Variants in DSCAM observed in about 807,000 individuals in gnomAD.
DSCAM encodes cell adhesion molecule DSCAM.
In DSCAM, 47 loss-of-function variants were observed where a neutral mutation model predicts 217.7. The ratio of observed to expected loss-of-function variants is 0.22; its 90% CI spans 0.17 to 0.28. The LOEUF is 0.28. DSCAM is among the 10% of genes least tolerant of loss of function. The probability of loss-of-function intolerance (pLI) is 1.00; values close to 1 mark genes in which losing one functional copy is unlikely to be tolerated. For synonymous variants in DSCAM, 1,056 were observed against 1,015.3 expected (o/e 1.04, Z -0.76); for missense variants, 2,080 against 2,618.3 (o/e 0.79, Z 4.49).
At chr21:40,595,922 A>G (rs2077018204) in intron 3 of DSCAM, among the ~76,000 whole-genome samples, 1 of 152,212 alleles carries the variant, frequency 6.6e-6, no homozygotes, top group African/African-American at 2.4e-5. Flanking sequence ...CCTGTTGGTA[A>G]TGGGATCCAC....
intron 11 of DSCAM, among the ~76,000 whole-genome samples, chr21:40,195,763 G>A (rs551282205): frequency 6.6e-6 from 1 of 152,286 alleles, no homozygotes; most frequent in Admixed American, 6.5e-5. Context: ...TCCCGGGTGG[G>A]AGGTCAAAAG....
chr21:40,606,433 G>A (rs1393684205), intron 3 of DSCAM, among the ~76,000 whole-genome samples: 2 of 152,154 alleles, frequency 1.3e-5, no homozygotes, highest in Non-Finnish European at 2.9e-5. Flanking sequence ...TTTAGTGTTG[G>A]CAACTATTCA....
chr21:40,074,375 CTCCCTG>C (rs1301493976), intron 27 of DSCAM, among the ~76,000 whole-genome samples: 1 of 152,210 alleles, frequency 6.6e-6, no homozygotes, highest in Non-Finnish European at 1.5e-5. Context: ...TTTGAAATAA[CTCCCTG>C]TCCTCACATT....
At chr21:40,342,309 A>C (rs1225745577) in intron 6 of DSCAM, among the ~76,000 whole-genome samples, 2 of 152,062 alleles carry the variant, frequency 1.3e-5, no homozygotes, top group Non-Finnish European at 2.9e-5. Context: ...TTGTGTGTGT[A>C]TAAAATATTT....
At chr21:40,374,354 G>A (rs1228981890) in intron 3 of DSCAM, among the ~76,000 whole-genome samples, 1 of 152,156 alleles carries the variant, frequency 6.6e-6, no homozygotes, top group East Asian at 1.9e-4. Context: ...AAACATAGCA[G>A]GGCCCCCTTT....
chr21:40,539,749 C>A (rs143174720), intron 3 of DSCAM, among the ~76,000 whole-genome samples: 2 of 152,018 alleles, frequency 1.3e-5, no homozygotes, highest in Non-Finnish European at 2.9e-5. Context: ...GAAAAAAAGA[C>A]AATTCCTGAG....
intron 1 of DSCAM, among the ~76,000 whole-genome samples, chr21:40,768,239 T>C (rs188072826): frequency 6.6e-6 from 1 of 151,346 alleles, no homozygotes; most frequent in Non-Finnish European, 1.5e-5. Flanking sequence ...CCTGCCTGAA[T>C]TGCACCCAGA....
chr21:40,035,243 C>G (rs200722586), intron 32 of DSCAM, among the ~76,000 whole-genome samples: 2 of 113,672 alleles, frequency 1.8e-5, no homozygotes, highest in African/African-American at 7.4e-5. Context: ...AGTCAAGACC[C>G]ATCAGTGTGC....
chr21:40,204,183 G>A (rs1404013723), intron 11 of DSCAM, among the ~76,000 whole-genome samples: 3 of 152,184 alleles, frequency 2.0e-5, no homozygotes, highest in African/African-American at 7.2e-5. Flanking sequence ...TAATTGTAGG[G>A]CCCATATTTG....
At chr21:40,145,031 G>T (rs957571816) in intron 16 of DSCAM, among the ~76,000 whole-genome samples, 1 of 152,156 alleles carries the variant, frequency 6.6e-6, no homozygotes, top group Non-Finnish European at 1.5e-5. Context: ...TGGGTGTTGG[G>T]CCCCAGAGCC....
rs544187116 is a variant in DSCAM at position 40,480,726 on chromosome 21, G to C, written c.509-111481C>G. 2.0e-5 allele frequency among the ~76,000 whole-genome samples: 3 copies of C among 152,304 alleles called. No homozygotes were observed. In the East Asian group the frequency reaches 5.8e-4, roughly 29 times the overall value. On this transcript the variant is annotated intron_variant, in intron 3 of 32. Coordinates refer to ENST00000400454, the MANE Select transcript of DSCAM (RefSeq NM_001389.5). ...ACAGCGATGTGCCACATGGTTTTGA[G>C]TGCAGAAAGTTTAAGTGACAGTAAA...
chr21:40,098,648 C>CAATT (rs1427068520), intron 20 of DSCAM, among the ~76,000 whole-genome samples: 2 of 152,212 alleles, frequency 1.3e-5, no homozygotes, highest in Non-Finnish European at 2.9e-5. Flanking sequence ...ACCAGTCATG[C>CAATT]AATTAAACAG....
At chr21:40,688,958 C>T (rs1164985193) in intron 3 of DSCAM, among the ~76,000 whole-genome samples, 2 of 152,188 alleles carry the variant, frequency 1.3e-5, no homozygotes, top group Non-Finnish European at 2.9e-5. Flanking sequence ...ATTCCTGCGT[C>T]TACCTTCAGG....
intron 20 of DSCAM, among the ~76,000 whole-genome samples, chr21:40,104,834 T>A (rs2089798314): frequency 1.3e-5 from 2 of 152,156 alleles, no homozygotes; most frequent in Non-Finnish European, 2.9e-5. Flanking sequence ...TTCTTCTCAA[T>A]TTTTCTGTGA....
chr21:40,632,897 T>C (rs2089711415), intron 3 of DSCAM, among the ~76,000 whole-genome samples: 1 of 152,188 alleles, frequency 6.6e-6, no homozygotes, highest in Admixed American at 6.5e-5. Context: ...CCACCGATAC[T>C]CCATCACTTT....
chr21:40,643,525 G>T (rs2089908258), intron 3 of DSCAM, among the ~76,000 whole-genome samples: 1 of 152,224 alleles, frequency 6.6e-6, no homozygotes, highest in South Asian at 2.1e-4. Context: ...GGACTGCAAA[G>T]CTCTGGCTTG....
intron 3 of DSCAM, among the ~76,000 whole-genome samples, chr21:40,632,284 G>C (rs1455043071): frequency 7.4e-6 from 1 of 134,580 alleles, no homozygotes; most frequent in Non-Finnish European, 1.5e-5. Context: ...CTGGCTTTAT[G>C]AATACTTGTC....
In DSCAM at chr21:40,238,057, G is replaced by A. The variant is rs781750127; in HGVS notation, c.2356+38040C>T. Among the ~76,000 whole-genome samples the A allele has an allele frequency of 1.3e-5, 2 of 152,202 alleles. 1 individual carries two copies. Among genetic ancestry groups the A allele is most frequent in the South Asian group, 4.1e-4 (2 of 4,830 alleles). ...TACCAAAGAGCTTGTGGAAGATTGG[G>A]AGAAAAATTGAATCAGATATGGGGA... On this transcript the variant is annotated intron_variant, in intron 11 of 32. Transcript: ENST00000400454.
At chr21:40,528,566 T>C (rs2076418175) in intron 3 of DSCAM, among the ~76,000 whole-genome samples, 1 of 152,230 alleles carries the variant, frequency 6.6e-6, no homozygotes, top group African/African-American at 2.4e-5. Flanking sequence ...AATCGTCATG[T>C]CTGTGACATT....
Sources: gnomAD v4.1 joint callset for allele counts (sites outside exome capture counted in the v4.1 genomes callset) on GRCh38, gnomAD v4.1.1 for gene constraint, MANE v1.5 for transcripts, NCBI Gene and HGNC (gene_info 2026-07-23, HGNC 2026-07-21) for gene names.